The following NOTUM variants were observed in gnomAD, a reference collection of about 807,000 sequenced individuals.
NOTUM encodes the protein notum, palmitoleoyl-protein carboxylesterase.
In NOTUM, 36 loss-of-function variants were observed where a neutral mutation model predicts 65.5. The observed-to-expected ratio is 0.55, with a 90% CI of 0.42 to 0.73. The LOEUF (loss-of-function observed/expected upper bound fraction) is 0.73. Among genes scored for constraint, NOTUM ranks in the 30% least tolerant of loss-of-function variants. The pLI, the probability that NOTUM is intolerant of heterozygous loss-of-function variation, is 0.00. For synonymous variants in NOTUM, 356 were observed against 297.9 expected, an observed-to-expected ratio of 1.20 and a Z score of -2.01; for missense variants, 659 against 694.2, an observed-to-expected ratio of 0.95 and a Z score of 0.57.
chr17:81,958,178 T>C (rs2041447628), intron 5 of NOTUM, among the ~76,000 whole-genome samples, 157 bp downstream of exon 5: 1 of 152,134 alleles, frequency 6.6e-6, no homozygotes, highest in Non-Finnish European at 1.5e-5. Context: ...TGGGACATAC[T>C]GTCAAGGGCT....
In NOTUM at chr17:81,952,776, T is replaced by C; in HGVS notation, c.*185A>G. 1.6e-6 allele frequency: 1 copy of C among 609,738 alleles called. No homozygotes were observed. Among genetic ancestry groups the C allele is most frequent in the Non-Finnish European group, 2.9e-6 (1 of 343,022 alleles). 37.8% of individuals were successfully genotyped at this position (609,738 alleles called of 1,614,324 possible). ...GGGATGACAGCAGGTCCCTTGTCTCTGGCTGGGCTGTGGGAGAGGGGCAGG... is the reference window on the plus strand; with the variant it reads ...GGGATGACAGCAGGTCCCTTGTCTCCGGCTGGGCTGTGGGAGAGGGGCAGG... On this transcript the variant is annotated 3_prime_UTR_variant, in exon 11 of 11. Coordinates refer to ENST00000409678, the MANE Select transcript of NOTUM (RefSeq NM_178493.6).
chr17:81,955,083 G>T (rs1243039361), intron 9 of NOTUM, among the ~76,000 whole-genome samples: 2 of 152,038 alleles, frequency 1.3e-5, no homozygotes, highest in Non-Finnish European at 1.5e-5. Context: ...CAGTTCAAGT[G>T]ATTCTCCTGC....
At chr17:81,959,379 C>G (rs1444298639) in intron 3 of NOTUM, 92 bp downstream of exon 3, 2 of 976,580 alleles carry the variant, frequency 2.0e-6, no homozygotes, top group East Asian at 2.6e-5. Flanking sequence ...GCATGATGTG[C>G]GGGGTGGGGG....
chr17:81,953,154 G>A lies in NOTUM; in HGVS notation c.1298C>T (p.Pro433Leu). 3 of 1,613,224 alleles carry A rather than the reference G, an allele frequency of 1.9e-6. No homozygotes were observed. Among genetic ancestry groups the A allele is most frequent in the Non-Finnish European group, 2.5e-6 (3 of 1,179,504 alleles). Reference sequence around the variant, plus strand: ...GGGGCAGCTGTCCACCAGGTGGACGGGGCAGCCCTTGAGGGGGGTCTTGCT... The same window carrying A: ...GGGGCAGCTGTCCACCAGGTGGACGAGGCAGCCCTTGAGGGGGGTCTTGCT... ...KASKTPLKGC[P>L]VHLVDSCPWP... Residue 433 changes from proline to leucine, a missense_variant, in exon 11 of 11, where the codon CCC (proline) becomes CTC (leucine). Physicochemically the swap from Pro to Leu is moderately conservative, Grantham distance 98. Coordinates refer to ENST00000409678, the MANE Select transcript of NOTUM (RefSeq NM_178493.6).
At chr17:81,954,466 G>A (rs372087217) in intron 9 of NOTUM, among the ~76,000 whole-genome samples, 163 bp from the exon 10 acceptor site, 9 of 151,956 alleles carry the variant, frequency 5.9e-5, no homozygotes, top group East Asian at 1.9e-4. Flanking sequence ...GCCAGCTCCC[G>A]GCTGACCCTT....
At chr17:81,956,620 C>G (rs2041435218) in intron 8 of NOTUM, 30 bp downstream of exon 8, 2 of 1,472,218 alleles carry the variant, frequency 1.4e-6, no homozygotes, top group African/African-American at 1.4e-5. Flanking sequence ...CCCCTGCTGC[C>G]CTGTGTGCTC....
chr17:81,959,069 G>A lies in NOTUM; in HGVS notation c.473-74C>T, dbSNP rs373834612. ...GGGTCGGGTCTGGGAACCCTGGTGAGGTGTTGGGGCTCCTACTTGGCCCCA... is the reference window on the plus strand; with the variant it reads ...GGGTCGGGTCTGGGAACCCTGGTGAAGTGTTGGGGCTCCTACTTGGCCCCA... On this transcript the variant is annotated intron_variant, in intron 3 of 10. Coordinates refer to ENST00000409678, the MANE Select transcript of NOTUM (RefSeq NM_178493.6). 3.1e-6 allele frequency: 4 copies of A among 1,287,502 alleles called. No individual in the cohort carries two copies. In the East Asian group the frequency reaches 9.2e-5, roughly 30 times the overall value. 79.8% of individuals were successfully genotyped at this position (1,287,502 alleles called of 1,614,324 possible). A position where few individuals can be genotyped will look rare whatever the true frequency, so the allele number is the denominator to read the frequency against.
Position 81,957,918 on chromosome 17 carries a change from G to A in NOTUM, c.593-10C>T, listed in dbSNP as rs768985720. 4.4e-6 allele frequency: 7 copies of A among 1,580,800 alleles called. No homozygotes were observed. In the South Asian group the frequency reaches 8.0e-5, roughly 18 times the overall value. On this transcript the variant is annotated splice_polypyrimidine_tract_variant and intron_variant, in intron 5 of 10. Coordinates refer to ENST00000409678, the MANE Select transcript of NOTUM (RefSeq NM_178493.6). Reference sequence around the variant, plus strand: ...ATGAAGGCGTACTCGTCTGCAAGAGGGAGGGGGTGGCCTCAGGTAGGGGCC... The same window carrying A: ...ATGAAGGCGTACTCGTCTGCAAGAGAGAGGGGGTGGCCTCAGGTAGGGGCC...
intron 7 of NOTUM, 35 bp from the exon 8 acceptor site, chr17:81,956,785 T>C (rs35872546): frequency 0.5 from 798,876 of 1,597,388 alleles, 204,638 homozygotes; most frequent in Non-Finnish European, 0.53. Context: ...CTGCCGTGGG[T>C]CTCGTCCCCC....
intron 1 of NOTUM, 65 bp from the exon 2 acceptor site, chr17:81,959,757 C>G: frequency 1.9e-6 from 2 of 1,047,896 alleles, no homozygotes; most frequent in Non-Finnish European, 2.5e-6. Flanking sequence ...CCCGCGCGCC[C>G]AGCTCCGGCG....
chr17:81,952,969 C>T lies in NOTUM; in HGVS notation c.1483G>A (p.Gly495Arg), dbSNP rs758461450. 1.1e-5 allele frequency: 17 copies of T among 1,613,632 alleles called. No individual in the cohort carries two copies. The Admixed American group carries it at 1.3e-4, about 13-fold the overall frequency. Residue 495 changes from glycine (G) to arginine (R), a missense_variant, in exon 11 of 11, where the codon GGA (glycine) becomes AGA (arginine). Transcript: ENST00000409678. ...PSELLGMLSNGS is the reference protein window; with the variant it reads ...PSELLGMLSNRS ...TCCTCCAGACAGTCTGCCTAGCTTC[C>T]GTTGCTCAGCATCCCCAGCAGCTCA...
At chr17:81,957,940 G>T in intron 5 of NOTUM, 32 bp from the exon 6 acceptor site, 1 of 1,492,558 alleles carries the variant, frequency 6.7e-7, no homozygotes, top group Non-Finnish European at 9.2e-7. Context: ...CTCAGGTAGG[G>T]GCCTGGACAG....
At position 81,953,243 on chromosome 17, in the gene NOTUM, C is replaced by A; in HGVS notation, c.1209G>T (p.Lys403Asn). 6.2e-7 allele frequency: 1 copy of A among 1,610,402 alleles called. No individual in the cohort carries two copies. The highest frequency in any genetic ancestry group is 2.2e-5 in the East Asian group (1 of 44,810). The change falls in exon 11 of 11, where the codon AAG becomes AAT. Residue 403 changes from lysine (K) to asparagine (N), a missense_variant. Physicochemically the swap from Lys to Asn is moderately conservative, Grantham distance 94. Transcript: ENST00000409678. The stretch of plus-strand genomic sequence containing the variant: ...GCAGTGCTCGGGGCAGCGACGTCCC[C>A]TTCACCTGGACATCCGTCCAGTGGC... ...IRSHWTDVQV[K>N]GTSLPRALHC... is the part of the protein sequence containing the mutation.
chr17:81,956,346 G>A (rs1322178715), intron 8 of NOTUM, among the ~76,000 whole-genome samples: 3 of 152,172 alleles, frequency 2.0e-5, no homozygotes, highest in Non-Finnish European at 4.4e-5. Context: ...GGTATAGGCA[G>A]GGTGACCACC....
Position 81,960,711 on chromosome 17 carries a change from T to A in NOTUM, c.199A>T (p.Met67Leu). ...TAVEGNMDSF[M>L]AQVKSLAQSL... ...TGCGCCAGGCTCTTGACTTGCGCCA[T>A]GAAGCTGTCCATGTTACCCTCCACG... is the stretch of plus-strand genomic sequence containing the variant. Residue 67 changes from methionine (M) to leucine (L), a missense_variant, in exon 1 of 11, where the codon ATG (methionine) becomes TTG (leucine). By Grantham distance (15) the Met-to-Leu change is conservative. Coordinates refer to ENST00000409678, the MANE Select transcript of NOTUM (RefSeq NM_178493.6). The surrounding 1 kb of genome is among the most constrained non-coding windows in gnomAD (Gnocchi z 6.4). The A allele has an allele frequency of 6.2e-7, 1 of 1,604,364 alleles. No individual in the cohort carries two copies. The highest frequency in any genetic ancestry group is 8.5e-7 in the Non-Finnish European group (1 of 1,176,158).
At chr17:81,957,551 A>G (rs982772385) in intron 6 of NOTUM, among the ~76,000 whole-genome samples, 1 of 151,880 alleles carries the variant, frequency 6.6e-6, no homozygotes, top group Non-Finnish European at 1.5e-5. Flanking sequence ...CTTCCCCTAT[A>G]TCCAACAACC....
Position 81,961,119 on chromosome 17 carries a change from T to G in NOTUM, c.-210A>C, listed in dbSNP as rs2041474973. 1 of 151,892 alleles carries G rather than the reference T, an allele frequency of 6.6e-6. No individual in the cohort carries two copies. The highest frequency in any genetic ancestry group is 6.6e-5 in the Admixed American group (1 of 15,050). The allele number at this position is 151,892 out of a possible 1,614,324, so 9.4% of individuals were successfully genotyped here. A position where few individuals can be genotyped will look rare whatever the true frequency, so the allele number is the denominator to read the frequency against. On this transcript the variant is annotated 5_prime_UTR_variant, in exon 1 of 11. Transcript: ENST00000409678. ...GCCGGGTGCCGTCGGCCTCCGCAGC[T>G]GGGGCTCCGCGCCCGGCCGTCCGAG... is the stretch of plus-strand genomic sequence containing the variant.
At chr17:81,953,909 G>A (rs1195268884) in intron 10 of NOTUM, among the ~76,000 whole-genome samples, 1 of 152,000 alleles carries the variant, frequency 6.6e-6, no homozygotes, top group African/African-American at 2.4e-5. Flanking sequence ...AGCCTCCGGA[G>A]TAGCTGGATT....
Position 81,954,239 on chromosome 17 carries a change from G to A in NOTUM, c.1184+17C>T, listed in dbSNP as rs532592977. 25 of 1,600,430 alleles carry A rather than the reference G, an allele frequency of 1.6e-5. No homozygotes were observed. Among genetic ancestry groups the A allele is most frequent in the African/African-American group, 5.4e-5 (4 of 74,764 alleles). On this transcript the variant is annotated intron_variant, in intron 10 of 10. Coordinates refer to ENST00000409678, the MANE Select transcript of NOTUM (RefSeq NM_178493.6). ...TTGATGTCATGGACGCAAGCTGCCC[G>A]GAGCAGGGACACTGACCTCCGGATG... is the stretch of plus-strand genomic sequence containing the variant.
Sources: gnomAD v4.1 joint callset for allele counts (sites outside exome capture counted in the v4.1 genomes callset) on GRCh38, gnomAD v4.1.1 for gene constraint, Gnocchi (gnomAD v3.1) non-coding constraint, MANE v1.5 for transcripts, NCBI Gene and HGNC (gene_info 2026-07-23, HGNC 2026-07-21) for gene names.